The following SCNN1B variants were observed in gnomAD, a reference collection of about 807,000 sequenced individuals.
SCNN1B encodes sodium channel epithelial 1 subunit beta, also known as epithelial sodium channel subunit beta.
A neutral mutation model predicts 65.3 loss-of-function variants in SCNN1B; 46 were observed. The ratio of observed to expected loss-of-function variants is 0.70; its 90% CI spans 0.56 to 0.90. The LOEUF is 0.90. Among genes scored for constraint, SCNN1B ranks in the 40% least tolerant of loss-of-function variants. The probability of loss-of-function intolerance (pLI) is 0.00; values close to 1 mark genes in which losing one functional copy is unlikely to be tolerated. For synonymous variants in SCNN1B, 349 were observed against 330.6 expected (o/e 1.06, Z -0.60); for missense variants, 751 against 830.5 (o/e 0.90, Z 1.18).
At position 23,351,545 on chromosome 16, in the gene SCNN1B, C is replaced by T. The variant is rs529811674; in HGVS notation, c.312-1256C>T. Reference sequence around the variant, plus strand: ...TCAGGGAACTGGCATCGAAGGCCAACGTTAGCTCTGGCTGCTGTACACCTT... The same window carrying T: ...TCAGGGAACTGGCATCGAAGGCCAATGTTAGCTCTGGCTGCTGTACACCTT... On this transcript the variant is annotated intron_variant, in intron 2 of 12. Transcript: ENST00000343070. 5.3e-5 allele frequency among the ~76,000 whole-genome samples: 8 copies of T among 152,322 alleles called. No individual in the cohort carries two copies. The East Asian group carries it at 5.8e-4, about 11-fold the overall frequency.
At chr16:23,296,749 C>T (rs1961002845) in intron 2 of SCNN1B, among the ~76,000 whole-genome samples, 1 of 152,148 alleles carries the variant, frequency 6.6e-6, no homozygotes, top group South Asian at 2.1e-4. Flanking sequence ...GGCCTGTAAT[C>T]CCAGCCCTTT....
In SCNN1B at chr16:23,353,035, G is replaced by A. The variant is rs1477692340; in HGVS notation, c.546G>A (p.Lys182=). The A allele has an allele frequency of 6.2e-7, 1 of 1,614,056 alleles. No individual in the cohort carries two copies. Among genetic ancestry groups the A allele is most frequent in the East Asian group, 2.2e-5 (1 of 44,898 alleles). ...TAACAAGCAGCTCAGCATCAGAAAA[G>A]ATCTGTAATGCCCACGGGTGCAAAA... ...NGLTSSSASE[K]ICNAHGCKMA... Residue 182 remains lysine, a synonymous_variant, in exon 3 of 13, where the codon AAG becomes AAA. Coordinates refer to ENST00000343070, the MANE Select transcript of SCNN1B (RefSeq NM_000336.3).
intron 2 of SCNN1B, among the ~76,000 whole-genome samples, chr16:23,294,255 G>A (rs1463992677): frequency 3.9e-5 from 6 of 152,064 alleles, no homozygotes; most frequent in East Asian, 1.9e-4. Context: ...AATTAGCCAC[G>A]CGAGATGGCG....
chr16:23,295,630 G>A (rs1011896193), intron 2 of SCNN1B, among the ~76,000 whole-genome samples: 3 of 152,140 alleles, frequency 2.0e-5, no homozygotes, highest in Non-Finnish European at 4.4e-5. Flanking sequence ...GAGATTATAG[G>A]CATAAGCCAC....
At chr16:23,351,176 G>T (rs1425805326) in intron 2 of SCNN1B, among the ~76,000 whole-genome samples, 2 of 152,104 alleles carry the variant, frequency 1.3e-5, no homozygotes, top group East Asian at 1.9e-4. Context: ...TGCCTTGGTG[G>T]GTTCTTAGAG....
At chr16:23,308,490 T>G (rs1026459182) in intron 1 of SCNN1B, among the ~76,000 whole-genome samples, 1 of 152,196 alleles carries the variant, frequency 6.6e-6, no homozygotes, top group African/African-American at 2.4e-5. Flanking sequence ...GCCATTGTAC[T>G]CCAGCCTAGG....
In SCNN1B at chr16:23,378,913, TGAGA is replaced by T. The variant is rs988029864; in HGVS notation, c.1466+152_1466+155del. ...AGTCTTGAGGAGGAGGCACTAGGAG[TGAGA>T]GAGAGGAAAGGCAGCCAAGGGGACT... On this transcript the variant is annotated intron_variant, in intron 11 of 12. Coordinates refer to ENST00000343070, the MANE Select transcript of SCNN1B (RefSeq NM_000336.3). The T allele has an allele frequency of 6.8e-6, 5 of 738,416 alleles. No individual in the cohort carries two copies. The Admixed American group carries it at 8.8e-5, about 13-fold the overall frequency. 45.7% of individuals were successfully genotyped at this position (738,416 alleles called of 1,614,324 possible). A position where few individuals can be genotyped will look rare whatever the true frequency, so the allele number is the denominator to read the frequency against.
chr16:23,372,802 T>A (rs1408252964), intron 7 of SCNN1B, among the ~76,000 whole-genome samples: 2 of 151,026 alleles, frequency 1.3e-5, no homozygotes, highest in Non-Finnish European at 2.9e-5. Context: ...TTTATTATTA[T>A]TTTTTTAAAA....
intron 1 of SCNN1B, among the ~76,000 whole-genome samples, chr16:23,343,751 C>T (rs936477862): frequency 2.0e-5 from 3 of 152,034 alleles, no homozygotes; most frequent in Non-Finnish European, 4.4e-5. Flanking sequence ...AGTTCAGGGC[C>T]AATGTATAGT....
intron 4 of SCNN1B, among the ~76,000 whole-genome samples, chr16:23,366,420 G>A (rs750105369): frequency 1.9e-4 from 29 of 151,762 alleles, no homozygotes; most frequent in Non-Finnish European, 3.8e-4. Flanking sequence ...GTCTCAATTC[G>A]TTGGCCAGGC....
At chr16:23,304,984 C>A (rs2141979176) in intron 1 of SCNN1B, among the ~76,000 whole-genome samples, 1 of 152,184 alleles carries the variant, frequency 6.6e-6, no homozygotes, top group East Asian at 1.9e-4. Flanking sequence ...CTGGAGATGG[C>A]CCTTGGGTGG....
At chr16:23,371,220 G>C in intron 5 of SCNN1B, 79 bp from the exon 6 acceptor site, 1 of 1,539,346 alleles carries the variant, frequency 6.5e-7, no homozygotes. Flanking sequence ...GCCGGAGGGA[G>C]CTTGGAGAAG....
chr16:23,376,892 T>G (rs147943880), intron 8 of SCNN1B, among the ~76,000 whole-genome samples: 11 of 152,266 alleles, frequency 7.2e-5, no homozygotes, highest in Non-Finnish European at 1.3e-4. Context: ...CCTTTGTTCA[T>G]GACCCCATAA....
rs376227262 is a variant in SCNN1B at position 23,287,941 on chromosome 16, G to C, written n.178+4137G>C. Among the ~76,000 whole-genome samples, 275 of 148,996 alleles carry C rather than the reference G, an allele frequency of 1.8e-3. 8 individuals carry two copies. In the South Asian group the frequency reaches 0.057, roughly 31 times the overall value. ...AAGCCGAGGTAGGCTGATTGCTTGA[G>C]CCCAGGAGTTCAGGACTATCCTGGG... On this transcript the variant is annotated intron_variant and non_coding_transcript_variant, in intron 2 of 3. Transcript: ENST00000569789.
intron 1 of SCNN1B, among the ~76,000 whole-genome samples, chr16:23,282,909 T>G (rs555137335): frequency 2.6e-5 from 4 of 152,290 alleles, no homozygotes; most frequent in South Asian, 2.1e-4. Flanking sequence ...AAACAGTCCT[T>G]CTGCTGCTGC....
At position 23,293,860 on chromosome 16, in the gene SCNN1B, G is replaced by T. The variant is rs1960960340; in HGVS notation, n.178+10056G>T. ...GATCTCTTGAGCCTAGGAGGTGGAGGCTGCAGTGAGCCATGATCTTGCCAC... is the reference window on the plus strand; with the variant it reads ...GATCTCTTGAGCCTAGGAGGTGGAGTCTGCAGTGAGCCATGATCTTGCCAC... On this transcript the variant is annotated intron_variant and non_coding_transcript_variant, in intron 2 of 3. Transcript: ENST00000569789. 2.0e-5 allele frequency among the ~76,000 whole-genome samples: 3 copies of T among 152,244 alleles called. No individual in the cohort carries two copies. In the South Asian group the frequency reaches 6.2e-4, roughly 32 times the overall value.
chr16:23,377,530 CTTCT>C (rs1962926649), intron 10 of SCNN1B, 144 bp downstream of exon 10: 5 of 740,170 alleles, frequency 6.8e-6, no homozygotes, highest in African/African-American at 1.7e-5. Flanking sequence ...TCCTTCCTTC[CTTCT>C]TTCTCTGCTT....
intron 1 of SCNN1B, among the ~76,000 whole-genome samples, chr16:23,314,352 A>C (rs1427701792): frequency 1.3e-5 from 2 of 152,112 alleles, no homozygotes; most frequent in Non-Finnish European, 2.9e-5. Flanking sequence ...TCCCCCTTTT[A>C]CACACAGAGA....
chr16:23,285,479 A>G (rs1960836918), intron 2 of SCNN1B, among the ~76,000 whole-genome samples: 1 of 152,112 alleles, frequency 6.6e-6, no homozygotes, highest in African/African-American at 2.4e-5. Context: ...GCCTAAAAAA[A>G]TATGTTTTAA....
Sources: gnomAD v4.1 joint callset for allele counts (sites outside exome capture counted in the v4.1 genomes callset) on GRCh38, gnomAD v4.1.1 for gene constraint, MANE v1.5 for transcripts, NCBI Gene and HGNC (gene_info 2026-07-23, HGNC 2026-07-21) for gene names.